Variants in CREBBP observed in about 807,000 individuals in gnomAD.
CREBBP encodes the protein CREB binding lysine acetyltransferase.
A neutral mutation model predicts 265.0 loss-of-function variants in CREBBP; 19 were observed. The ratio of observed to expected loss-of-function variants is 0.07; its 90% CI spans 0.05 to 0.11. The LOEUF is 0.11. Among genes scored for constraint, CREBBP ranks in the 10% least tolerant of loss-of-function variants. The pLI, the probability that CREBBP is intolerant of heterozygous loss-of-function variation, is 1.00. For missense variants in CREBBP, 2,525 were observed against 3,219.0 expected (o/e 0.78, Z 5.22); for synonymous variants, 1,457 against 1,223.7 (o/e 1.19, Z -3.98).
chr16:3,841,720 T>C (rs1398431447), intron 2 of CREBBP, among the ~76,000 whole-genome samples: 2 of 152,184 alleles, frequency 1.3e-5, no homozygotes, highest in East Asian at 3.8e-4. Flanking sequence ...TTAGCCAACT[T>C]GGTTCTATTA....
chr16:3,748,227 G>A (rs865903610), intron 21 of CREBBP, among the ~76,000 whole-genome samples: 3 of 151,910 alleles, frequency 2.0e-5, no homozygotes, highest in Admixed American at 2.0e-4. Flanking sequence ...GCAGTGAGCC[G>A]AGATCGCGCC....
chr16:3,732,194 G>T (rs1048862386), intron 28 of CREBBP, among the ~76,000 whole-genome samples: 1 of 152,226 alleles, frequency 6.6e-6, no homozygotes, highest in Non-Finnish European at 1.5e-5. Context: ...GACCCAGAGT[G>T]CGAGTTCAGA....
intron 26 of CREBBP, chr16:3,737,121 G>A (rs932206147): frequency 2.1e-5 from 10 of 485,586 alleles, no homozygotes; most frequent in Non-Finnish European, 3.8e-5. Context: ...TCAAGGCAAT[G>A]CCATCCCCTT....
chr16:3,843,930 C>T (rs1290366843), intron 2 of CREBBP, among the ~76,000 whole-genome samples: 11 of 151,400 alleles, frequency 7.3e-5, no homozygotes, highest in African/African-American at 2.4e-4. Flanking sequence ...GGGCGGATCA[C>T]GAGGTCAGGA....
intron 21 of CREBBP, chr16:3,745,803 A>C (rs368035856): frequency 1.0e-5 from 3 of 296,112 alleles, no homozygotes; most frequent in African/African-American, 6.6e-5. Context: ...TGAGGATACT[A>C]ATGGGAAACA....
At chr16:3,757,155 T>G in intron 19 of CREBBP, 133 bp downstream of exon 19, 2 of 758,318 alleles carry the variant, frequency 2.6e-6, no homozygotes, top group Non-Finnish European at 2.3e-6. Flanking sequence ...ATTACAGGCG[T>G]GAGCCACCAC....
intron 5 of CREBBP, among the ~76,000 whole-genome samples, chr16:3,789,334 T>G (rs1173618615): frequency 6.6e-6 from 1 of 152,204 alleles, no homozygotes; most frequent in Non-Finnish European, 1.5e-5. Flanking sequence ...TCACAAGCTG[T>G]GCACTGTGCA....
At chr16:3,809,094 T>G (rs962272747) in intron 3 of CREBBP, among the ~76,000 whole-genome samples, 1 of 152,110 alleles carries the variant, frequency 6.6e-6, no homozygotes, top group Non-Finnish European at 1.5e-5. Context: ...TACAAGGGGA[T>G]TATCAGAAGA....
chr16:3,814,736 C>A (rs369734668), intron 2 of CREBBP, among the ~76,000 whole-genome samples: 5 of 151,976 alleles, frequency 3.3e-5, no homozygotes, highest in African/African-American at 1.2e-4. Flanking sequence ...AGATCATGAA[C>A]GGTATGTAAG....
At position 3,728,341 on chromosome 16, in the gene CREBBP, C is replaced by T. The variant is rs1465500767; in HGVS notation, c.6706G>A (p.Gly2236Arg). ...ATGGCCGGTGGGTAGCCTCCGGGTC[C>T]TTGAGGCTGCTGGAACTGGCCGTGC... ...AGHGQFQQPQGPGGYPPAMQQ... is the reference protein window; with the variant it reads ...AGHGQFQQPQRPGGYPPAMQQ... Residue 2236 changes from glycine to arginine, a missense_variant, in exon 31 of 31, where the codon GGA becomes AGA. By Grantham distance (125) the Gly-to-Arg change is moderately radical. This residue lies in a region of CREBBP where 473 missense variants were observed against 459.3 expected (regional missense o/e 1.03). Transcript: ENST00000262367. The surrounding 1 kb of genome is among the most constrained non-coding windows in gnomAD (Gnocchi z 8.7). 2 of 1,611,942 alleles carry T rather than the reference C, an allele frequency of 1.2e-6. No homozygotes were observed. The highest frequency in any genetic ancestry group is 2.2e-5 in the South Asian group (2 of 90,932).
intron 11 of CREBBP, among the ~76,000 whole-genome samples, chr16:3,777,322 G>C (rs962888023): frequency 6.6e-6 from 1 of 151,800 alleles, no homozygotes; most frequent in Non-Finnish European, 1.5e-5. Flanking sequence ...GCGACAGAGC[G>C]AGACTCCATC....
At chr16:3,833,394 AGAGT>A (rs542025942) in intron 2 of CREBBP, among the ~76,000 whole-genome samples, 305 of 152,372 alleles carry the variant, frequency 2.0e-3, no homozygotes, top group African/African-American at 7.1e-3. Flanking sequence ...CTTGGGCTAC[AGAGT>A]GAGAGTCCAT....
At chr16:3,822,328 G>T (rs571111776) in intron 2 of CREBBP, among the ~76,000 whole-genome samples, 123 of 152,310 alleles carry the variant, frequency 8.1e-4, no homozygotes, top group African/African-American at 2.8e-3. Context: ...TAACGCAACG[G>T]TTCAGAGAAA....
At position 3,850,504 on chromosome 16, in the gene CREBBP, T is replaced by C. The variant is rs925171469; in HGVS notation, c.591A>G (p.Leu197=). 3 of 1,614,254 alleles carry C rather than the reference T, an allele frequency of 1.9e-6. No homozygotes were observed. The highest frequency in any genetic ancestry group is 3.3e-5 in the Admixed American group (2 of 60,036). The change falls in exon 2 of 31, where the codon TTA becomes TTG. Residue 197 remains leucine (L), a synonymous_variant. Coordinates refer to ENST00000262367, the MANE Select transcript of CREBBP (RefSeq NM_004380.3). ...CCTGCCCTTGTGAAGCCTGATTAAT[T>C]AAGCTATGGCCAGAGTTACTATTGA... The part of the protein sequence containing the change: ...GLLNSNSGHS[L]INQASQGQAQ...
At chr16:3,751,912 G>A in intron 19 of CREBBP, 106 bp from the exon 20 acceptor site, 2 of 1,072,220 alleles carry the variant, frequency 1.9e-6, no homozygotes, top group Admixed American at 1.9e-5. Flanking sequence ...ACGACGAAGG[G>A]GGGGCGTTGT....
chr16:3,859,752 T>G (rs2055035074), intron 1 of CREBBP, among the ~76,000 whole-genome samples: 1 of 152,210 alleles, frequency 6.6e-6, no homozygotes, highest in Admixed American at 6.5e-5. Context: ...AGCTTCCAGA[T>G]AGCTGAACAC....
intron 2 of CREBBP, among the ~76,000 whole-genome samples, chr16:3,849,431 GTGTGTGTGTGTGTGTGTGTGTGTGTGT>G (rs2054753702): frequency 4.8e-4 from 7 of 14,492 alleles, no homozygotes; most frequent in South Asian, 7.6e-3. Context: ...GTGTGTGTGT[GTGTGTGTGTGTGTGTGTGTGTGTGTGT>G]GTGTGTGTGT....
Position 3,769,349 on chromosome 16 carries a change from G to C in CREBBP, c.2885C>G (p.Ser962Cys), listed in dbSNP as rs905975793. 1.2e-6 allele frequency: 2 copies of C among 1,614,182 alleles called. No homozygotes were observed. The highest frequency in any genetic ancestry group is 8.5e-7 in the Non-Finnish European group (1 of 1,180,032). The stretch of plus-strand genomic sequence containing the variant: ...GTTATCAATGCTGGCTGCTGCCTGG[G>C]AAAGCTGTGAAAAAACCGAAAGCAC... ...VHAQPPGTPL[S>C]QAAASIDNRV... Residue 962 changes from serine to cysteine, a missense_variant, in exon 15 of 31, where the codon TCC (serine) becomes TGC (cysteine). Physicochemically the swap from Ser to Cys is moderately radical, Grantham distance 112 (BLOSUM62 -1). Transcript: ENST00000262367.
At chr16:3,810,809 T>C in intron 2 of CREBBP, 30 bp from the exon 3 acceptor site, 1 of 1,610,698 alleles carries the variant, frequency 6.2e-7, no homozygotes, top group Non-Finnish European at 8.5e-7. Flanking sequence ...ACATCAGCTG[T>C]GGTGACGCAG....
Sources: allele counts gnomAD v4.1 joint callset (sites outside exome capture counted in the v4.1 genomes callset), GRCh38; gene constraint gnomAD v4.1.1; regional missense constraint gnomAD v4.1.1; non-coding constraint Gnocchi (gnomAD v3.1); transcripts MANE v1.5; gene names NCBI Gene and HGNC (gene_info 2026-07-23, HGNC 2026-07-21).